The following RTN4R variants were observed in gnomAD, a reference collection of about 807,000 sequenced individuals.
RTN4R encodes the protein reticulon-4 receptor.
RTN4R carries 4 observed loss-of-function variants against 27.7 expected under a neutral mutation model. The ratio of observed to expected loss-of-function variants is 0.14; its 90% CI spans 0.07 to 0.33. The LOEUF is 0.33. Ranked by LOEUF, RTN4R falls within the 10% of genes least tolerant of loss-of-function variation. RTN4R has a pLI of 1.00. For missense variants in RTN4R, 554 were observed against 671.5 expected, an observed-to-expected ratio of 0.83 and a Z score of 1.93; for synonymous variants, 290 against 305.6, an observed-to-expected ratio of 0.95 and a Z score of 0.53.
At position 20,241,662 on chromosome 22, in the gene RTN4R, G is replaced by A. The variant is rs575283073; in HGVS notation, c.*49C>T. 146 of 1,543,614 alleles carry A rather than the reference G, an allele frequency of 9.5e-5. 1 individual carries two copies. Among genetic ancestry groups the A allele is most frequent in the South Asian group, 6.2e-4 (52 of 83,816 alleles). ...GCTTGGCGGCGTGGAGAGAGACCCC[G>A]TATGTACACACACCTGGCTGCTGAG... On this transcript the variant is annotated 3_prime_UTR_variant, in exon 2 of 2. Coordinates refer to ENST00000043402, the MANE Select transcript of RTN4R (RefSeq NM_023004.6).
At position 20,242,241 on chromosome 22, in the gene RTN4R, G is replaced by A; in HGVS notation, c.892C>T (p.Leu298Phe). The A allele has an allele frequency of 6.2e-7, 1 of 1,602,116 alleles. No individual in the cohort carries two copies. Among genetic ancestry groups the A allele is most frequent in the Non-Finnish European group, 8.5e-7 (1 of 1,175,268 alleles). The part of the protein sequence containing the change: ...SLPQRLAGRD[L>F]KRLAANDLQG... ...AGGTCATTGGCAGCTAGGCGTTTGA[G>A]GTCACGGCCAGCCAGGCGTTGCGGG... Residue 298 changes from leucine to phenylalanine, a missense_variant, in exon 2 of 2, where the codon CTC (leucine) becomes TTC (phenylalanine). Around this residue, in one of 2 missense-constraint regions of RTN4R, gnomAD observed 413 missense variants for 542.3 expected, o/e 0.76. Coordinates refer to ENST00000043402, the MANE Select transcript of RTN4R (RefSeq NM_023004.6).
chr22:20,263,999 C>T (rs535366755), intron 1 of RTN4R, among the ~76,000 whole-genome samples: 2 of 114,888 alleles, frequency 1.7e-5, no homozygotes, highest in South Asian at 3.2e-4. Context: ...ATCACCTACC[C>T]GGCCAGCCCA....
intron 1 of RTN4R, among the ~76,000 whole-genome samples, chr22:20,258,194 C>G (rs1375297298): frequency 6.6e-6 from 1 of 151,676 alleles, no homozygotes; most frequent in African/African-American, 2.4e-5. Flanking sequence ...CTGAAGCCAG[C>G]ACCACCCGGG....
In RTN4R at chr22:20,242,556, C is replaced by T. The variant is rs1347529817; in HGVS notation, c.577G>A (p.Val193Met). 6.2e-6 allele frequency: 10 copies of T among 1,613,500 alleles called. No homozygotes were observed. Among genetic ancestry groups the T allele is most frequent in the East Asian group, 4.5e-5 (2 of 44,878 alleles). ...LFLHGNRISS[V>M]PERAFRGLHS... ...AGCCCACGGAAGGCGCGCTCGGGCA[C>T]GCTGGAGATGCGGTTGCCGTGCAGG... Residue 193 changes from valine to methionine, a missense_variant, in exon 2 of 2, where the codon GTG (valine) becomes ATG (methionine). Val to Met is a conservative substitution (Grantham distance 21, BLOSUM62 1). This residue lies in a region of RTN4R where 413 missense variants were observed against 542.3 expected (regional missense o/e 0.76). Coordinates refer to ENST00000043402, the MANE Select transcript of RTN4R (RefSeq NM_023004.6).
intron 1 of RTN4R, among the ~76,000 whole-genome samples, chr22:20,252,080 TCATCACCATCGTCCTCATCAC>T (rs1185347889): frequency 1.2e-4 from 5 of 42,684 alleles, no homozygotes; most frequent in Non-Finnish European, 3.2e-4. Context: ...ACCATCCTCA[TCATCACCATCGTCCTCATCAC>T]CATCACCGCC....
Position 20,241,784 on chromosome 22 carries a change from A to G in RTN4R, c.1349T>C (p.Leu450Pro). 3.8e-6 allele frequency: 6 copies of G among 1,559,850 alleles called. No individual in the cohort carries two copies. The highest frequency in any genetic ancestry group is 5.2e-6 in the Non-Finnish European group (6 of 1,152,510). The stretch of plus-strand genomic sequence containing the variant: ...GGTGAGGCTGCAGGTGAGGCTGGGT[A>G]GGGCACCTGAGCCTTCTGAGTCACC... ...GTGDSEGSGA[L>P]PSLTCSLTPL... is the part of the protein sequence containing the mutation. The change falls in exon 2 of 2, where the codon CTA (leucine) becomes CCA (proline). Residue 450 changes from leucine to proline, a missense_variant. This residue lies in a region of RTN4R where 141 missense variants were observed against 129.2 expected (regional missense o/e 1.09). Coordinates refer to ENST00000043402, the MANE Select transcript of RTN4R (RefSeq NM_023004.6).
chr22:20,264,343 G>A (rs1363509158), intron 1 of RTN4R, among the ~76,000 whole-genome samples: 1 of 152,216 alleles, frequency 6.6e-6, no homozygotes, highest in Non-Finnish European at 1.5e-5. Context: ...AAGAAGAAAC[G>A]GCAGCACAGA....
At chr22:20,246,222 C>T (rs976477943) in intron 1 of RTN4R, among the ~76,000 whole-genome samples, 3 of 152,170 alleles carry the variant, frequency 2.0e-5, no homozygotes, top group Non-Finnish European at 1.5e-5. Context: ...GCTTTCCCAG[C>T]GGGGACAGTG....
chr22:20,242,485 A>G lies in RTN4R; in HGVS notation c.648T>C (p.His216=), dbSNP rs951117664. The part of the protein sequence containing the change: ...RLLLHQNRVA[H]VHPHAFRDLG... ...GGTCACGGAAGGCATGCGGGTGCACATGGGCCACGCGGTTCTGGTGCAGTA... is the reference window on the plus strand; with the variant it reads ...GGTCACGGAAGGCATGCGGGTGCACGTGGGCCACGCGGTTCTGGTGCAGTA... The change falls in exon 2 of 2, where the codon CAT becomes CAC. Residue 216 remains histidine (H), a synonymous_variant. Transcript: ENST00000043402. 4.3e-6 allele frequency: 7 copies of G among 1,613,554 alleles called. No individual in the cohort carries two copies. The highest frequency in any genetic ancestry group is 2.2e-5 in the East Asian group (1 of 44,894).
rs1419061244 is a variant in RTN4R at position 20,255,498 on chromosome 22, CTA to C, written c.23-12390_23-12389del. On this transcript the variant is annotated intron_variant, in intron 1 of 1. Coordinates refer to ENST00000043402, the MANE Select transcript of RTN4R (RefSeq NM_023004.6). The surrounding 1 kb of genome is among the most constrained non-coding windows in gnomAD (Gnocchi z 4.8). ...GGATACATCTGGGTCTCCCAGGACA[CTA>C]TGGGCTCTTGGCCCCAGAGACTCTG... 6.6e-6 allele frequency among the ~76,000 whole-genome samples: 1 copy of C among 152,224 alleles called. No individual in the cohort carries two copies. The highest frequency in any genetic ancestry group is 1.5e-5 in the Non-Finnish European group (1 of 68,028).
intron 1 of RTN4R, among the ~76,000 whole-genome samples, chr22:20,259,718 C>G (rs2051233701): frequency 6.6e-6 from 1 of 152,206 alleles, no homozygotes; most frequent in Admixed American, 6.5e-5. Context: ...GCTCCTCTTC[C>G]AGACCTGGGG....
chr22:20,254,414 G>C (rs1047710070), intron 1 of RTN4R, among the ~76,000 whole-genome samples: 5 of 150,502 alleles, frequency 3.3e-5, no homozygotes, highest in African/African-American at 7.4e-5. Context: ...GGGTGACAGA[G>C]TGAGACTTTC....
At chr22:20,259,453 G>C (rs1320613360) in intron 1 of RTN4R, among the ~76,000 whole-genome samples, 1 of 152,150 alleles carries the variant, frequency 6.6e-6, no homozygotes. Flanking sequence ...GGTGCGCAGG[G>C]CCCATGTGTC....
At chr22:20,262,862 G>A (rs757020578) in intron 1 of RTN4R, among the ~76,000 whole-genome samples, 27 of 152,210 alleles carry the variant, frequency 1.8e-4, no homozygotes, top group Non-Finnish European at 3.2e-4. Flanking sequence ...CCCGAGCTGG[G>A]CCCTGGCAGA....
chr22:20,258,697 T>C (rs1602649113), intron 1 of RTN4R, among the ~76,000 whole-genome samples: 3 of 152,256 alleles, frequency 2.0e-5, no homozygotes, highest in Admixed American at 2.0e-4. Flanking sequence ...GGCAGGGCCC[T>C]CATCACCTCG....
chr22:20,242,019 T>C lies in RTN4R; in HGVS notation c.1114A>G (p.Asn372Asp), dbSNP rs1345394733. 6.2e-7 allele frequency: 1 copy of C among 1,611,414 alleles called. No homozygotes were observed. Among genetic ancestry groups the C allele is most frequent in the Non-Finnish European group, 8.5e-7 (1 of 1,179,850 alleles). The change falls in exon 2 of 2, where the codon AAC becomes GAC. Residue 372 changes from asparagine to aspartate, a missense_variant. This residue lies in a region of RTN4R where 413 missense variants were observed against 542.3 expected (regional missense o/e 0.76). Coordinates refer to ENST00000043402, the MANE Select transcript of RTN4R (RefSeq NM_023004.6). Reference sequence around the variant, plus strand: ...TTGATGTGCCGTGGGCCAGAGCCGTTGCCCGGCGGGCTGTCACCGGGCGGC... The same window carrying C: ...TTGATGTGCCGTGGGCCAGAGCCGTCGCCCGGCGGGCTGTCACCGGGCGGC... ...RVPPGDSPPGNGSGPRHINDS... is the reference protein window; with the variant it reads ...RVPPGDSPPGDGSGPRHINDS...
chr22:20,259,941 G>C (rs770761831), intron 1 of RTN4R, among the ~76,000 whole-genome samples: 17 of 152,182 alleles, frequency 1.1e-4, no homozygotes, highest in Non-Finnish European at 2.1e-4. Context: ...AGAGAATGAA[G>C]GGAGAAGCAA....
chr22:20,243,853 T>C (rs1027548979), intron 1 of RTN4R, among the ~76,000 whole-genome samples: 1 of 151,796 alleles, frequency 6.6e-6, no homozygotes, highest in Non-Finnish European at 1.5e-5. Context: ...TCAGCAGGGA[T>C]AGCCTCCCAG....
Position 20,241,984 on chromosome 22 carries a change from G to A in RTN4R, c.1149C>T (p.Pro383=), listed in dbSNP as rs904119936. 3.7e-6 allele frequency: 6 copies of A among 1,610,190 alleles called. No homozygotes were observed. In the African/African-American group the frequency reaches 5.3e-5, roughly 14 times the overall value. Residue 383 remains proline (P), a synonymous_variant, in exon 2 of 2, where the codon CCC becomes CCT. Transcript: ENST00000043402. ...GSGPRHINDS[P]FGTLPGSAEP... ...CAGCAGAGCCAGGCAGAGTCCCAAA[G>A]GGTGAGTCATTGATGTGCCGTGGGC...
Sources: gnomAD v4.1 joint callset for allele counts (sites outside exome capture counted in the v4.1 genomes callset) on GRCh38, gnomAD v4.1.1 for gene constraint, gnomAD v4.1.1 regional missense constraint, Gnocchi (gnomAD v3.1) non-coding constraint, MANE v1.5 for transcripts, NCBI Gene and HGNC (gene_info 2026-07-23, HGNC 2026-07-21) for gene names.